The following MDGA2 variants were observed in gnomAD, a reference collection of about 807,000 sequenced individuals.
MDGA2 encodes MAM domain-containing glycosylphosphatidylinositol anchor protein 2.
A neutral mutation model predicts 117.8 loss-of-function variants in MDGA2; 40 were observed. The ratio of observed to expected loss-of-function variants is 0.34; its 90% CI spans 0.26 to 0.44. MDGA2 has a LOEUF of 0.44. Ranked by LOEUF, MDGA2 falls within the 20% of genes least tolerant of loss-of-function variation. MDGA2 has a pLI of 1.00. For synonymous variants in MDGA2, 452 were observed against 439.0 expected, an observed-to-expected ratio of 1.03 and a Z score of -0.37; for missense variants, 1,123 against 1,250.6, an observed-to-expected ratio of 0.90 and a Z score of 1.54.
chr14:47,188,419 T>A (rs1033448496), intron 3 of MDGA2, among the ~76,000 whole-genome samples: 3 of 152,138 alleles, frequency 2.0e-5, no homozygotes, highest in African/African-American at 7.2e-5. Flanking sequence ...AAACAGGCTG[T>A]GAGGGAACAG....
intron 1 of MDGA2, among the ~76,000 whole-genome samples, chr14:47,459,541 CTT>C (rs201794459): frequency 4.7e-5 from 7 of 150,050 alleles, no homozygotes; most frequent in African/African-American, 1.7e-4. Flanking sequence ...CCTTCTCTTT[CTT>C]TCTTCCTTCC....
intron 3 of MDGA2, among the ~76,000 whole-genome samples, chr14:47,169,323 A>C (rs1884023586): frequency 6.6e-6 from 1 of 151,836 alleles, no homozygotes; most frequent in African/African-American, 2.4e-5. Context: ...TATTTCTATA[A>C]TTAATTAATT....
At chr14:47,670,972 G>A (rs1488692440) in intron 1 of MDGA2, among the ~76,000 whole-genome samples, 1 of 151,948 alleles carries the variant, frequency 6.6e-6, no homozygotes, top group Non-Finnish European at 1.5e-5. Context: ...TAGTCCATAT[G>A]ATTTTTTTGT....
At chr14:47,415,190 C>T (rs1892449760) in intron 1 of MDGA2, among the ~76,000 whole-genome samples, 1 of 151,970 alleles carries the variant, frequency 6.6e-6, no homozygotes, top group Non-Finnish European at 1.5e-5. Context: ...ATTTTGGTTG[C>T]TAACATATAA....
At chr14:47,161,606 A>AT (rs1198115093) in intron 3 of MDGA2, among the ~76,000 whole-genome samples, 2 of 151,436 alleles carry the variant, frequency 1.3e-5, no homozygotes, top group Non-Finnish European at 2.9e-5. Context: ...AGAAGAGGTA[A>AT]TTTTTTTTCA....
At chr14:47,158,363 G>GGGGT (rs1555358937) in intron 3 of MDGA2, among the ~76,000 whole-genome samples, 9 of 146,784 alleles carry the variant, frequency 6.1e-5, no homozygotes, top group Admixed American at 1.4e-4. Context: ...CCCTGGGGTG[G>GGGGT]GTGTGTGTGT....
intron 3 of MDGA2, among the ~76,000 whole-genome samples, chr14:47,182,547 G>C (rs1004121541): frequency 6.6e-6 from 1 of 152,198 alleles, no homozygotes; most frequent in African/African-American, 2.4e-5. Context: ...AGGTTCACTG[G>C]AAACCTACAG....
chr14:47,375,629 CT>C (rs1891460900), intron 1 of MDGA2, among the ~76,000 whole-genome samples: 1 of 152,066 alleles, frequency 6.6e-6, no homozygotes, highest in Non-Finnish European at 1.5e-5. Context: ...CTAATGACAT[CT>C]TACTCGTCCA....
chr14:46,955,295 T>C (rs1200745691), intron 9 of MDGA2, among the ~76,000 whole-genome samples: 5 of 151,998 alleles, frequency 3.3e-5, no homozygotes, highest in African/African-American at 1.2e-4. Flanking sequence ...CTTTAGAACT[T>C]GTAAAAAATA....
intron 1 of MDGA2, among the ~76,000 whole-genome samples, chr14:47,563,189 C>A (rs1442307148): frequency 6.6e-6 from 1 of 151,982 alleles, no homozygotes; most frequent in Non-Finnish European, 1.5e-5. Context: ...GTGTTATGTG[C>A]AGATAAGAGG....
chr14:47,054,188 TC>T (rs1889580672), intron 7 of MDGA2, among the ~76,000 whole-genome samples: 1 of 151,880 alleles, frequency 6.6e-6, no homozygotes, highest in Non-Finnish European at 1.5e-5. Flanking sequence ...TTTCTTACGC[TC>T]CCTTTCATTC....
At chr14:47,030,497 A>G (rs964214963) in intron 8 of MDGA2, among the ~76,000 whole-genome samples, 1 of 152,066 alleles carries the variant, frequency 6.6e-6, no homozygotes. Context: ...CTGGGCAACA[A>G]GAATGAAACT....
intron 1 of MDGA2, among the ~76,000 whole-genome samples, chr14:47,551,179 G>T (rs1324264056): frequency 6.6e-6 from 1 of 151,732 alleles, no homozygotes; most frequent in Non-Finnish European, 1.5e-5. Context: ...GGATAATATT[G>T]TTTTTGATTA....
At chr14:47,549,220 A>G (rs540745904) in intron 1 of MDGA2, among the ~76,000 whole-genome samples, 8 of 152,308 alleles carry the variant, frequency 5.3e-5, no homozygotes, top group African/African-American at 1.9e-4. Context: ...AAAATGCCAC[A>G]AAGTTCTTTG....
chr14:47,170,098 A>G lies in MDGA2; in HGVS notation c.596-25824T>C, dbSNP rs534177451. 3.2e-4 allele frequency among the ~76,000 whole-genome samples: 49 copies of G among 152,298 alleles called. No individual in the cohort carries two copies. In the South Asian group the frequency reaches 9.3e-3, roughly 29 times the overall value. On this transcript the variant is annotated intron_variant, in intron 3 of 16. Transcript: ENST00000399232. ...TAACTCCTGGAGTTCATACATGAACACAGAGCTCTTCTGACTAGACAAAAT... is the reference window on the plus strand; with the variant it reads ...TAACTCCTGGAGTTCATACATGAACGCAGAGCTCTTCTGACTAGACAAAAT...
chr14:47,053,670 C>CACACAT (rs1566595460), intron 7 of MDGA2, among the ~76,000 whole-genome samples: 1 of 137,536 alleles, frequency 7.3e-6, no homozygotes, highest in African/African-American at 2.7e-5. Flanking sequence ...CACACACACA[C>CACACAT]ATATATATAT....
intron 11 of MDGA2, among the ~76,000 whole-genome samples, chr14:46,879,458 T>A (rs1414944495): frequency 6.6e-6 from 1 of 152,118 alleles, no homozygotes; most frequent in African/African-American, 2.4e-5. Context: ...CTATATCACA[T>A]AAAAATAATT....
intron 8 of MDGA2, among the ~76,000 whole-genome samples, chr14:47,016,148 G>A (rs563901891): frequency 6.6e-6 from 1 of 152,110 alleles, no homozygotes; most frequent in African/African-American, 2.4e-5. Context: ...AAGCTGTCCT[G>A]TGGATTCCAT....
chr14:47,647,998 TAATA>T (rs1205365286), intron 1 of MDGA2, among the ~76,000 whole-genome samples: 3 of 152,126 alleles, frequency 2.0e-5, no homozygotes, highest in African/African-American at 4.8e-5. Context: ...TATGCATCAA[TAATA>T]AATAAACAAA....
Sources: allele counts gnomAD v4.1 joint callset (sites outside exome capture counted in the v4.1 genomes callset), GRCh38; gene constraint gnomAD v4.1.1; transcripts MANE v1.5; gene names NCBI Gene and HGNC (gene_info 2026-07-23, HGNC 2026-07-21).